PLAC8L1: variants seen among roughly 807,000 people sequenced by gnomAD.
PLAC8L1 encodes the protein PLAC8 like 1, also known as PLAC8-like protein 1.
Under a neutral mutation model 16.3 loss-of-function variants are expected in PLAC8L1, and 13 were observed. The ratio of observed to expected loss-of-function variants is 0.80; its 90% CI spans 0.52 to 1.27. The LOEUF is 1.27. PLAC8L1 is among the 50% of genes most tolerant of loss of function. The pLI, the probability that PLAC8L1 is intolerant of heterozygous loss-of-function variation, is 0.00. For missense variants in PLAC8L1, 184 were observed against 220.2 expected, an observed-to-expected ratio of 0.84 and a Z score of 1.04; for synonymous variants, 78 against 79.3, an observed-to-expected ratio of 0.98 and a Z score of 0.09.
intron 1 of PLAC8L1, among the ~76,000 whole-genome samples, chr5:146,103,413 C>A (rs1294304879): frequency 6.6e-6 from 1 of 152,084 alleles, no homozygotes; most frequent in African/African-American, 2.4e-5. Flanking sequence ...CCCACCTCAG[C>A]CTCCCAAAGT....
At chr5:146,101,196 C>CA (rs35143616) in intron 1 of PLAC8L1, among the ~76,000 whole-genome samples, 7,069 of 81,732 alleles carry the variant, frequency 0.086, 493 homozygotes, top group African/African-American at 0.2. Context: ...GACCCTGTCT[C>CA]AAAAAAAAAA....
rs911418758 is a variant in PLAC8L1, at chr5:146,098,150, A to T, written c.256+6T>A. 7 of 1,607,268 alleles carry T rather than the reference A, an allele frequency of 4.4e-6. No individual in the cohort carries two copies. The highest frequency in any genetic ancestry group is 5.1e-6 in the Non-Finnish European group (6 of 1,175,302). On this transcript the variant is annotated splice_donor_region_variant and intron_variant, in intron 2 of 3. Coordinates refer to ENST00000311450, the MANE Select transcript of PLAC8L1 (RefSeq NM_001029869.3). Reference sequence around the variant, plus strand: ...GGAGGAACTTAAATAAGGAGGAAAAACTTACAAATTCTCCTATCTCTGCAG... The same window carrying T: ...GGAGGAACTTAAATAAGGAGGAAAATCTTACAAATTCTCCTATCTCTGCAG...
intron 2 of PLAC8L1, among the ~76,000 whole-genome samples, chr5:146,091,402 C>A (rs1435626658): frequency 6.6e-6 from 1 of 152,100 alleles, no homozygotes; most frequent in Non-Finnish European, 1.5e-5. Flanking sequence ...TAAGAACCAA[C>A]AGAGTTAAAT....
In PLAC8L1 at chr5:146,104,074, T is replaced by G. The variant is rs111480294; in HGVS notation, c.119+119A>C. 71 of 1,440,484 alleles carry G rather than the reference T, an allele frequency of 4.9e-5. 1 individual carries two copies. The African/African-American group carries it at 6.9e-4, about 14-fold the overall frequency. The allele number at this position is 1,440,484 out of a possible 1,614,324, so 89.2% of individuals were successfully genotyped here. ...TTTTCAAGTTTGCATGGAGAAAAGA[T>G]AGCAACCACTTTCTTCCCAAGCCCA... On this transcript the variant is annotated intron_variant, in intron 1 of 3. Transcript: ENST00000311450.
In PLAC8L1 at chr5:146,105,112, T is replaced by A. The variant is rs1763888837; in HGVS notation, c.-801A>T. On this transcript the variant is annotated 5_prime_UTR_variant, in exon 1 of 4. Transcript: ENST00000311450. ...TGGACCCTAGAAATATTAGGAAATA[T>A]CCTAAGACAAAAAATTAGGCAAAAT... is the stretch of plus-strand genomic sequence containing the variant. Among the ~76,000 whole-genome samples the A allele has an allele frequency of 6.6e-6, 1 of 152,114 alleles. No homozygotes were observed. Among genetic ancestry groups the A allele is most frequent in the Non-Finnish European group, 1.5e-5 (1 of 68,022 alleles).
In PLAC8L1 at chr5:146,103,581, C is replaced by A. The variant is rs1000268930; in HGVS notation, c.119+612G>T. On this transcript the variant is annotated intron_variant, in intron 1 of 3. Coordinates refer to ENST00000311450, the MANE Select transcript of PLAC8L1 (RefSeq NM_001029869.3). ...GTGCTAAAACCAGTACAGTTCCAGG[C>A]AAACCAAGATGGTTGGTGATCCTAA... is the stretch of plus-strand genomic sequence containing the variant. 2.1e-5 allele frequency: 19 copies of A among 893,748 alleles called. No individual in the cohort carries two copies. The East Asian group carries it at 6.0e-4, about 28-fold the overall frequency. The allele number at this position is 893,748 out of a possible 1,614,324, so 55.4% of individuals were successfully genotyped here.
intron 1 of PLAC8L1, chr5:146,103,570 A>G: frequency 1.2e-6 from 1 of 821,438 alleles, no homozygotes; most frequent in Non-Finnish European, 1.5e-6. Flanking sequence ...TAAAACCAGT[A>G]CAGTTCCAGG....
chr5:146,085,478 C>A lies in PLAC8L1; in HGVS notation c.376G>T (p.Glu126Ter). 1.2e-6 allele frequency: 2 copies of A among 1,614,074 alleles called. No homozygotes were observed. Among genetic ancestry groups the A allele is most frequent in the Non-Finnish European group, 8.5e-7 (1 of 1,180,004 alleles). Residue 126 changes from glutamate to a stop codon, truncating the protein, a stop_gained, in exon 3 of 4, where the codon GAG becomes TAG. Coordinates refer to ENST00000311450, the MANE Select transcript of PLAC8L1 (RefSeq NM_001029869.3). LOFTEE classifies it high-confidence loss of function. ...ACACTTACCTGTATTTTATGTCTCT[C>A]CCTGGTGCCAATTCTCAGTGCAAAG... ...STFALRIGTRERHKIQGTLCE... is the reference protein window; with the variant it reads ...STFALRIGTR
chr5:146,103,334 T>C (rs1359642246), intron 1 of PLAC8L1, among the ~76,000 whole-genome samples: 2 of 152,160 alleles, frequency 1.3e-5, no homozygotes, highest in African/African-American at 2.4e-5. Context: ...TAATTCTGTA[T>C]TTTTAGTAAA....
chr5:146,096,786 G>A (rs1383056156), intron 2 of PLAC8L1, among the ~76,000 whole-genome samples: 2 of 152,168 alleles, frequency 1.3e-5, no homozygotes, highest in African/African-American at 2.4e-5. Context: ...CTTAGTACTG[G>A]GTGACTACCA....
chr5:146,098,205 G>A lies in PLAC8L1; in HGVS notation c.207C>T (p.Gly69=), dbSNP rs371470750. 22 of 1,613,846 alleles carry A rather than the reference G, an allele frequency of 1.4e-5. No homozygotes were observed. The highest frequency in any genetic ancestry group is 3.3e-5 in the South Asian group (3 of 91,012). The change falls in exon 2 of 4, where the codon GGC becomes GGT. Residue 69 remains glycine, a synonymous_variant. Coordinates refer to ENST00000311450, the MANE Select transcript of PLAC8L1 (RefSeq NM_001029869.3). ...RTTITAIVQT[G]GGWSTGLFSV... Reference sequence around the variant, plus strand: ...TGAAGAGACCGGTGCTCCAGCCCCCGCCAGTCTGGACAATTGCTGTGATTG... The same window carrying A: ...TGAAGAGACCGGTGCTCCAGCCCCCACCAGTCTGGACAATTGCTGTGATTG...
chr5:146,089,783 G>GGCT (rs1763581573), intron 2 of PLAC8L1, among the ~76,000 whole-genome samples: 2 of 148,716 alleles, frequency 1.3e-5, no homozygotes, highest in South Asian at 4.3e-4. Flanking sequence ...CTGTCGCCCA[G>GGCT]GCTGGAGTTC....
chr5:146,088,843 T>G lies in PLAC8L1; in HGVS notation c.257-3246A>C, dbSNP rs114912867. ...ACAGCAAATGGTCCAGTAAATTTAC[T>G]GAGAGTACAGAGTACTCACACTGTA... On this transcript the variant is annotated intron_variant, in intron 2 of 3. Coordinates refer to ENST00000311450, the MANE Select transcript of PLAC8L1 (RefSeq NM_001029869.3). Among the ~76,000 whole-genome samples the G allele has an allele frequency of 7.6e-3, 1,155 of 152,308 alleles. 18 individuals carry two copies. The highest frequency in any genetic ancestry group is 0.026 in the African/African-American group (1,097 of 41,550).
chr5:146,104,306 A>T lies in PLAC8L1; in HGVS notation c.6T>A (p.Asn2Lys). The T allele has an allele frequency of 1.2e-6, 2 of 1,602,698 alleles. No homozygotes were observed. Among genetic ancestry groups the T allele is most frequent in the Non-Finnish European group, 1.7e-6 (2 of 1,169,672 alleles). Residue 2 changes from asparagine (N) to lysine (K), a missense_variant, in exon 1 of 4, where the codon AAT becomes AAA. Coordinates refer to ENST00000311450, the MANE Select transcript of PLAC8L1 (RefSeq NM_001029869.3). M[N>K]WFGSNFFRCP... Reference sequence around the variant, plus strand: ...ACCTGAAGAAGTTACTTCCAAACCAATTCATAGTGAGAAGTGTTTTCTTGT... The same window carrying T: ...ACCTGAAGAAGTTACTTCCAAACCATTTCATAGTGAGAAGTGTTTTCTTGT...
At chr5:146,096,683 C>A (rs763946804) in intron 2 of PLAC8L1, among the ~76,000 whole-genome samples, 16 of 151,286 alleles carry the variant, frequency 1.1e-4, no homozygotes, top group Non-Finnish European at 2.1e-4. Context: ...GTTCCCCCAA[C>A]CCCCAACCAT....
intron 3 of PLAC8L1, 79 bp downstream of exon 3, chr5:146,085,382 A>G: frequency 1.4e-6 from 2 of 1,464,700 alleles, no homozygotes; most frequent in African/African-American, 1.4e-5. Flanking sequence ...CCCTTCTTTT[A>G]TTTGGAAAAT....
chr5:146,097,072 G>A (rs1385013168), intron 2 of PLAC8L1, among the ~76,000 whole-genome samples: 1 of 152,156 alleles, frequency 6.6e-6, no homozygotes, highest in Admixed American at 6.5e-5. Context: ...TGGAACTTAA[G>A]AGACTAACCC....
intron 1 of PLAC8L1, among the ~76,000 whole-genome samples, chr5:146,098,499 T>C (rs1763755057): frequency 6.6e-6 from 1 of 152,176 alleles, no homozygotes; most frequent in Non-Finnish European, 1.5e-5. Context: ...TTAATGGAAT[T>C]ATTGTTCTAA....
chr5:146,087,494 G>C (rs980245886), intron 2 of PLAC8L1, among the ~76,000 whole-genome samples: 11 of 152,206 alleles, frequency 7.2e-5, no homozygotes, highest in African/African-American at 2.2e-4. Context: ...AGCAATGCAT[G>C]ACAGTTATAT....
Sources: allele counts gnomAD v4.1 joint callset (sites outside exome capture counted in the v4.1 genomes callset), GRCh38; gene constraint gnomAD v4.1.1; transcripts MANE v1.5; gene names NCBI Gene and HGNC (gene_info 2026-07-23, HGNC 2026-07-21).